DPF3: variants seen among roughly 807,000 people sequenced by gnomAD.
The protein encoded by DPF3 is double PHD fingers 3.
In DPF3, 18 loss-of-function variants were observed where a neutral mutation model predicts 56.8. The observed-to-expected ratio is 0.32, with a 90% CI of 0.22 to 0.47. The LOEUF (loss-of-function observed/expected upper bound fraction) is 0.47. Ranked by LOEUF, DPF3 falls within the 20% of genes least tolerant of loss-of-function variation. The pLI is 1.00. For missense variants in DPF3, 403 were observed against 488.8 expected (o/e 0.82, Z 1.65); for synonymous variants, 188 against 180.2 (o/e 1.04, Z -0.35).
intron 8 of DPF3, among the ~76,000 whole-genome samples, chr14:72,640,770 C>T (rs190617778): frequency 2.0e-5 from 3 of 152,142 alleles, no homozygotes; most frequent in Admixed American, 2.0e-4. Flanking sequence ...GATGAAGATG[C>T]CCAGGAATTG....
chr14:72,740,330 CTGAGAA>C (rs138354203), intron 3 of DPF3, among the ~76,000 whole-genome samples: 3,618 of 152,296 alleles, frequency 0.024, 121 homozygotes, highest in African/African-American at 0.083. Context: ...CAGAATCACT[CTGAGAA>C]TAAGTGAAGG....
chr14:72,663,387 A>T (rs1408162884), intron 8 of DPF3, among the ~76,000 whole-genome samples: 1 of 152,042 alleles, frequency 6.6e-6, no homozygotes, highest in Non-Finnish European at 1.5e-5. Context: ...CTTCACAAGC[A>T]CTCACACTCA....
intron 1 of DPF3, among the ~76,000 whole-genome samples, chr14:72,857,306 C>G (rs1885205122): frequency 6.6e-6 from 1 of 151,976 alleles, no homozygotes; most frequent in African/African-American, 2.4e-5. Context: ...GAAAAGAATT[C>G]CCACATGAAA....
chr14:72,627,760 T>C (rs1249236857), intron 9 of DPF3, among the ~76,000 whole-genome samples: 1 of 152,160 alleles, frequency 6.6e-6, no homozygotes, highest in Non-Finnish European at 1.5e-5. Context: ...ATCTTTATAA[T>C]GTCAAGTCAT....
At chr14:72,734,426 G>C (rs1889803248) in intron 3 of DPF3, among the ~76,000 whole-genome samples, 1 of 152,094 alleles carries the variant, frequency 6.6e-6, no homozygotes. Context: ...TTTCTCCCAA[G>C]TCAGAAAAGT....
chr14:72,840,536 C>T (rs1884502510), intron 1 of DPF3, among the ~76,000 whole-genome samples: 1 of 152,170 alleles, frequency 6.6e-6, no homozygotes, highest in Non-Finnish European at 1.5e-5. Flanking sequence ...ATTTTACACA[C>T]ACACACACTG....
intron 1 of DPF3, among the ~76,000 whole-genome samples, chr14:72,826,658 A>G (rs751941347): frequency 6.6e-6 from 1 of 152,224 alleles, no homozygotes; most frequent in Non-Finnish European, 1.5e-5. Context: ...TACTATGTGC[A>G]AGGCATCTGC....
intron 1 of DPF3, among the ~76,000 whole-genome samples, chr14:72,885,270 T>A (rs538392508): frequency 1.5e-4 from 23 of 152,000 alleles, no homozygotes; most frequent in African/African-American, 5.3e-4. Context: ...GCAGAGAGGT[T>A]GAATTCTGTA....
intron 1 of DPF3, among the ~76,000 whole-genome samples, chr14:72,816,128 C>T (rs1354061580): frequency 6.6e-6 from 1 of 152,162 alleles, no homozygotes; most frequent in Non-Finnish European, 1.5e-5. Context: ...CTCAGACTTC[C>T]CTGCCTTGAC....
At chr14:72,679,640 T>A (rs965756941) in intron 7 of DPF3, among the ~76,000 whole-genome samples, 6 of 152,366 alleles carry the variant, frequency 3.9e-5, no homozygotes, top group African/African-American at 1.2e-4. Context: ...CCCGTGTCCC[T>A]CTACAGGTCT....
intron 1 of DPF3, among the ~76,000 whole-genome samples, chr14:72,861,802 A>AGAAG (rs1449440896): frequency 2.1e-5 from 3 of 144,132 alleles, no homozygotes; most frequent in Non-Finnish European, 3.0e-5. Context: ...AAAGAAAGAA[A>AGAAG]GAAGGAAAGA....
intron 8 of DPF3, chr14:72,670,740 C>A: frequency 9.8e-7 from 1 of 1,016,550 alleles, no homozygotes; most frequent in Non-Finnish European, 1.2e-6. Flanking sequence ...GTTTCCAACC[C>A]AAAGTTCCTC....
intron 1 of DPF3, among the ~76,000 whole-genome samples, chr14:72,885,084 A>C (rs61988502): frequency 0.94 from 133,073 of 141,136 alleles, 62,854 homozygotes; most frequent in East Asian, 1. Context: ...CGAGATCGCG[A>C]CACTGCACTC....
intron 9 of DPF3, among the ~76,000 whole-genome samples, chr14:72,629,118 A>G (rs1026189422): frequency 6.6e-6 from 1 of 152,162 alleles, no homozygotes; most frequent in Non-Finnish European, 1.5e-5. Flanking sequence ...TAGCTATGTA[A>G]TATTTTGGTT....
chr14:72,677,907 A>T (rs1231852669), intron 7 of DPF3, among the ~76,000 whole-genome samples: 2 of 152,142 alleles, frequency 1.3e-5, no homozygotes, highest in African/African-American at 2.4e-5. Context: ...ACAATGATTC[A>T]TTGTCTCTTG....
At chr14:72,645,443 C>T (rs992010411) in intron 8 of DPF3, among the ~76,000 whole-genome samples, 1 of 152,036 alleles carries the variant, frequency 6.6e-6, no homozygotes, top group Non-Finnish European at 1.5e-5. Flanking sequence ...TACCTGCCTC[C>T]CCCAGTAGCT....
At chr14:72,766,932 T>C (rs1406364765) in intron 2 of DPF3, among the ~76,000 whole-genome samples, 4 of 152,016 alleles carry the variant, frequency 2.6e-5, no homozygotes, top group Non-Finnish European at 5.9e-5. Flanking sequence ...CTTTGCTGGG[T>C]TGGTGTCAGA....
chr14:72,823,562 GC>G (rs1169145982), intron 1 of DPF3, among the ~76,000 whole-genome samples: 9 of 152,200 alleles, frequency 5.9e-5, no homozygotes. Flanking sequence ...ACGGGCTGCA[GC>G]ATTGCGTGGC....
intron 8 of DPF3, among the ~76,000 whole-genome samples, chr14:72,641,050 C>T (rs1318075430): frequency 6.6e-6 from 1 of 152,016 alleles, no homozygotes; most frequent in Non-Finnish European, 1.5e-5. Flanking sequence ...GAGAGAGGCA[C>T]CTCATGACAT....
Sources: gnomAD v4.1 joint callset for allele counts (sites outside exome capture counted in the v4.1 genomes callset) on GRCh38, gnomAD v4.1.1 for gene constraint, MANE v1.5 for transcripts, NCBI Gene and HGNC (gene_info 2026-07-23, HGNC 2026-07-21) for gene names.